Variants in WDPCP observed in about 807,000 individuals in gnomAD.
WDPCP encodes the protein WD repeat containing planar cell polarity effector.
WDPCP carries 71 observed loss-of-function variants against 93.1 expected under a neutral mutation model. The observed-to-expected ratio is 0.76, with a 90% confidence interval of 0.63 to 0.93. WDPCP has a LOEUF of 0.93. WDPCP is among the 40% of genes least tolerant of loss of function. The probability of loss-of-function intolerance (pLI) is 0.00; values close to 1 mark genes in which losing one functional copy is unlikely to be tolerated. For missense variants in WDPCP, 844 were observed against 887.4 expected (o/e 0.95, Z 0.62); for synonymous variants, 315 against 315.0 (o/e 1.00, Z 0.00).
chr2:63,387,982 A>G (rs1472196808), intron 10 of WDPCP, among the ~76,000 whole-genome samples: 1 of 152,188 alleles, frequency 6.6e-6, no homozygotes, highest in Non-Finnish European at 1.5e-5. Flanking sequence ...GATGACACAA[A>G]CAAATGGAAA....
chr2:63,521,172 G>T (rs1350533495), intron 1 of WDPCP, among the ~76,000 whole-genome samples: 1 of 152,136 alleles, frequency 6.6e-6, no homozygotes, highest in Non-Finnish European at 1.5e-5. Flanking sequence ...ATAATAACCA[G>T]CTAACAACAT....
At chr2:63,296,989 C>T (rs753008410) in intron 13 of WDPCP, among the ~76,000 whole-genome samples, 5 of 152,122 alleles carry the variant, frequency 3.3e-5, no homozygotes, top group Non-Finnish European at 7.3e-5. Flanking sequence ...CCAAAGCAAT[C>T]CTAAGGAAAA....
intron 1 of WDPCP, among the ~76,000 whole-genome samples, chr2:63,527,500 C>A (rs1332893500): frequency 1.3e-5 from 2 of 151,764 alleles, no homozygotes; most frequent in African/African-American, 2.4e-5. Context: ...ATAGTTTGCT[C>A]AGAATGATGG....
At chr2:63,661,572 C>T (rs1710226800) in intron 2 of WDPCP, among the ~76,000 whole-genome samples, 1 of 152,094 alleles carries the variant, frequency 6.6e-6, no homozygotes, top group African/African-American at 2.4e-5. Context: ...TTGAACAAAA[C>T]AAAAGGATAT....
chr2:63,362,274 T>TTTTTGTTTG (rs764194233), intron 12 of WDPCP, among the ~76,000 whole-genome samples: 2 of 57,978 alleles, frequency 3.4e-5, no homozygotes, highest in African/African-American at 9.8e-5. Flanking sequence ...TTTTTTTTTT[T>TTTTTGTTTG]GGTTGTGTGT....
chr2:63,832,463 G>A (rs1450034090), upstream of WDPCP, among the ~76,000 whole-genome samples: 1 of 152,180 alleles, frequency 6.6e-6, no homozygotes, highest in Admixed American at 6.5e-5. Context: ...AATGGGAGGA[G>A]TGACAAAGTC....
intron 1 of WDPCP, among the ~76,000 whole-genome samples, chr2:63,817,265 A>AAGCCC (rs1401879897): frequency 6.6e-6 from 1 of 152,048 alleles, no homozygotes; most frequent in African/African-American, 2.4e-5. Context: ...GTCCATCACC[A>AAGCCC]AGCCCAGCTA....
chr2:63,673,051 C>T (rs906648317), intron 2 of WDPCP, among the ~76,000 whole-genome samples: 2 of 152,096 alleles, frequency 1.3e-5, no homozygotes, highest in Non-Finnish European at 2.9e-5. Flanking sequence ...TTGCTCTTGG[C>T]CCATTTTAAC....
At chr2:63,439,987 T>C in intron 6 of WDPCP, 116 bp from the exon 7 acceptor site, 1 of 703,978 alleles carries the variant, frequency 1.4e-6, no homozygotes, top group Non-Finnish European at 2.5e-6. Flanking sequence ...GCATCTACAC[T>C]ACAAAATTAT....
intron 2 of WDPCP, among the ~76,000 whole-genome samples, chr2:63,689,005 C>T (rs919064777): frequency 6.6e-6 from 1 of 152,078 alleles, no homozygotes; most frequent in African/African-American, 2.4e-5. Context: ...TGCCTTCTGC[C>T]ATGGGATGAA....
rs941623937 is a variant in WDPCP, at chr2:63,509,830, G to C, written c.76-16890C>G. ...CTACACAAATAAACTAGAAAATCTA[G>C]AAGAAATGGATAAATTCCTAGACAC... On this transcript the variant is annotated intron_variant, in intron 1 of 17. Transcript: ENST00000272321. 2.6e-5 allele frequency among the ~76,000 whole-genome samples: 4 copies of C among 152,250 alleles called. No individual in the cohort carries two copies. The East Asian group carries it at 5.8e-4, about 22-fold the overall frequency.
intron 9 of WDPCP, among the ~76,000 whole-genome samples, chr2:63,416,247 T>A (rs578135598): frequency 7.9e-5 from 12 of 151,884 alleles, no homozygotes; most frequent in African/African-American, 2.9e-4. Flanking sequence ...TCACCCAGAC[T>A]GGAGTGCAGT....
intron 14 of WDPCP, among the ~76,000 whole-genome samples, chr2:63,184,241 T>G (rs1674463524): frequency 6.6e-6 from 1 of 152,082 alleles, no homozygotes; most frequent in African/African-American, 2.4e-5. Context: ...TGTTGTTTGG[T>G]GGAGTTCTGT....
intron 6 of WDPCP, among the ~76,000 whole-genome samples, chr2:63,482,935 A>C (rs1477190646): frequency 6.6e-6 from 1 of 152,004 alleles, no homozygotes; most frequent in Non-Finnish European, 1.5e-5. Context: ...GTAAATTACA[A>C]AAGTAATTAT....
At chr2:63,650,365 G>C (rs1710095132) in intron 3 of WDPCP, among the ~76,000 whole-genome samples, 1 of 152,168 alleles carries the variant, frequency 6.6e-6, no homozygotes, top group East Asian at 1.9e-4. Flanking sequence ...CACATACTTT[G>C]AGAACTTCTG....
At chr2:63,381,157 T>G (rs1487656947) in intron 11 of WDPCP, among the ~76,000 whole-genome samples, 1 of 152,128 alleles carries the variant, frequency 6.6e-6, no homozygotes, top group Non-Finnish European at 1.5e-5. Context: ...TTAGAATGTT[T>G]AGGTGCATTG....
intron 15 of WDPCP, among the ~76,000 whole-genome samples, chr2:63,154,200 G>C (rs1020362113): frequency 3.3e-5 from 5 of 151,622 alleles, no homozygotes; most frequent in African/African-American, 9.7e-5. Flanking sequence ...TTAAGGTATA[G>C]AGTTTTGTGA....
At chr2:63,433,452 G>A (rs894058336) in intron 9 of WDPCP, among the ~76,000 whole-genome samples, 6 of 152,148 alleles carry the variant, frequency 3.9e-5, no homozygotes, top group African/African-American at 1.2e-4. Flanking sequence ...ATCATGAACT[G>A]TATTTTTCAA....
chr2:63,156,390 A>C (rs574739083), intron 15 of WDPCP, among the ~76,000 whole-genome samples: 1 of 152,204 alleles, frequency 6.6e-6, no homozygotes, highest in Non-Finnish European at 1.5e-5. Context: ...TTTTGGAGCT[A>C]CTGTAATTTA....
Sources: allele counts gnomAD v4.1 joint callset (sites outside exome capture counted in the v4.1 genomes callset), GRCh38; gene constraint gnomAD v4.1.1; transcripts MANE v1.5; gene names NCBI Gene and HGNC (gene_info 2026-07-23, HGNC 2026-07-21).